CNTN3: variants seen among roughly 807,000 people sequenced by gnomAD.
The protein encoded by CNTN3 is contactin-3.
Under a neutral mutation model 119.1 loss-of-function variants are expected in CNTN3, and 60 were observed. The observed-to-expected ratio is 0.50, with a 90% confidence interval of 0.41 to 0.62. CNTN3 has a LOEUF of 0.62. Among genes scored for constraint, CNTN3 ranks in the 20% least tolerant of loss-of-function variants. The pLI, the probability that CNTN3 is intolerant of heterozygous loss-of-function variation, is 0.00. For synonymous variants in CNTN3, 450 were observed against 438.7 expected (o/e 1.03, Z -0.32); for missense variants, 1,101 against 1,242.4 (o/e 0.89, Z 1.71).
intron 4 of CNTN3, among the ~76,000 whole-genome samples, chr3:74,469,653 C>A (rs1249578886): frequency 6.6e-6 from 1 of 152,082 alleles, no homozygotes; most frequent in Non-Finnish European, 1.5e-5. Context: ...AATACGATAC[C>A]CCTTCGTACC....
At chr3:74,353,486 G>A (rs1453396164) in intron 11 of CNTN3, among the ~76,000 whole-genome samples, 3 of 152,214 alleles carry the variant, frequency 2.0e-5, no homozygotes, top group Non-Finnish European at 2.9e-5. Flanking sequence ...GCCGGGTGCC[G>A]TGGCTCACGC....
chr3:74,344,615 G>A (rs1319387889), intron 11 of CNTN3, among the ~76,000 whole-genome samples: 5 of 151,168 alleles, frequency 3.3e-5, no homozygotes, highest in Admixed American at 2.6e-4. Flanking sequence ...CCGACACCAC[G>A]CCCAGCTAAT....
At chr3:74,436,683 C>T (rs1280234598) in intron 4 of CNTN3, among the ~76,000 whole-genome samples, 1 of 152,054 alleles carries the variant, frequency 6.6e-6, no homozygotes, top group Non-Finnish European at 1.5e-5. Flanking sequence ...AGGAGAGTCA[C>T]CCTTCCTCTC....
chr3:74,342,428 G>A (rs1222435904), intron 11 of CNTN3, among the ~76,000 whole-genome samples: 1 of 152,140 alleles, frequency 6.6e-6, no homozygotes, highest in East Asian at 1.9e-4. Flanking sequence ...TCCAAGGAAA[G>A]GAAAAGCAGA....
chr3:74,503,565 G>C (rs1388814551), intron 2 of CNTN3, among the ~76,000 whole-genome samples: 1 of 152,100 alleles, frequency 6.6e-6, no homozygotes, highest in Non-Finnish European at 1.5e-5. Flanking sequence ...TTAAAAGGAA[G>C]AGATTCTGAA....
At chr3:74,299,804 G>A in intron 17 of CNTN3, 64 bp downstream of exon 17, 1 of 1,360,122 alleles carries the variant, frequency 7.4e-7, no homozygotes, top group Non-Finnish European at 1.0e-6. Flanking sequence ...CCACCACCTG[G>A]GAAGCCATAA....
At chr3:74,446,482 G>T (rs146215667) in intron 4 of CNTN3, among the ~76,000 whole-genome samples, 1 of 152,056 alleles carries the variant, frequency 6.6e-6, no homozygotes, top group Non-Finnish European at 1.5e-5. Context: ...GTGCTGTCCA[G>T]TAAAGCAGCC....
intron 2 of CNTN3, among the ~76,000 whole-genome samples, chr3:74,507,720 C>G (rs933412507): frequency 2.0e-5 from 3 of 149,080 alleles, no homozygotes; most frequent in African/African-American, 7.5e-5. Context: ...CAACCTCTGC[C>G]TCCCGGCTTC....
intron 13 of CNTN3, among the ~76,000 whole-genome samples, chr3:74,320,835 C>T (rs1395849394): frequency 6.6e-6 from 1 of 152,066 alleles, no homozygotes; most frequent in Non-Finnish European, 1.5e-5. Context: ...ATGCCAGCCT[C>T]CTCTGATAAT....
chr3:74,558,540 C>T (rs1201659806), intron 1 of CNTN3, among the ~76,000 whole-genome samples: 3 of 152,146 alleles, frequency 2.0e-5, no homozygotes, highest in Non-Finnish European at 4.4e-5. Context: ...AAATGGGAAA[C>T]AGAACAGCAT....
intron 2 of CNTN3, among the ~76,000 whole-genome samples, chr3:74,520,751 A>T (rs2107121262): frequency 6.6e-6 from 1 of 151,288 alleles, no homozygotes; most frequent in African/African-American, 2.4e-5. Context: ...TTTGGAAAAA[A>T]AATGTCACAA....
chr3:74,319,933 G>A (rs1241415392), intron 13 of CNTN3, among the ~76,000 whole-genome samples: 1 of 152,124 alleles, frequency 6.6e-6, no homozygotes, highest in Non-Finnish European at 1.5e-5. Flanking sequence ...ACCATCACTG[G>A]CCATCGGAGA....
At chr3:74,450,244 CA>C (rs1702124129) in intron 4 of CNTN3, among the ~76,000 whole-genome samples, 1 of 151,848 alleles carries the variant, frequency 6.6e-6, no homozygotes, top group African/African-American at 2.4e-5. Context: ...CGAAACAAAA[CA>C]AATTTTTTTA....
chr3:74,533,750 G>A (rs1461815466), intron 1 of CNTN3, among the ~76,000 whole-genome samples: 1 of 151,980 alleles, frequency 6.6e-6, no homozygotes, highest in African/African-American at 2.4e-5. Context: ...AGCCTAGAGA[G>A]GCATAAATGC....
At chr3:74,331,750 C>T (rs1703269510) in intron 13 of CNTN3, among the ~76,000 whole-genome samples, 2 of 152,156 alleles carry the variant, frequency 1.3e-5, no homozygotes, top group South Asian at 4.1e-4. Context: ...GGACTGAAAC[C>T]TACTCCTCCT....
At chr3:74,487,814 C>T (rs999538041) in intron 3 of CNTN3, among the ~76,000 whole-genome samples, 1 of 151,790 alleles carries the variant, frequency 6.6e-6, no homozygotes, top group African/African-American at 2.4e-5. Context: ...TGAAAATGGG[C>T]CACTTTTATA....
intron 13 of CNTN3, among the ~76,000 whole-genome samples, chr3:74,308,559 G>T (rs1702611120): frequency 6.6e-6 from 1 of 152,030 alleles, no homozygotes; most frequent in Non-Finnish European, 1.5e-5. Flanking sequence ...GTGCCACGGT[G>T]CCTCAAAGGT....
At chr3:74,413,257 A>C (rs897801163) in intron 5 of CNTN3, among the ~76,000 whole-genome samples, 1 of 152,210 alleles carries the variant, frequency 6.6e-6, no homozygotes, top group Non-Finnish European at 1.5e-5. Context: ...CACTGCTTAG[A>C]GGGTACATGG....
chr3:74,550,691 A>T (rs979511317), intron 1 of CNTN3, among the ~76,000 whole-genome samples: 1 of 152,162 alleles, frequency 6.6e-6, no homozygotes, highest in Non-Finnish European at 1.5e-5. Context: ...GGCATGTGCC[A>T]CCATACCCAG....
Sources: allele counts gnomAD v4.1 joint callset (sites outside exome capture counted in the v4.1 genomes callset), GRCh38; gene constraint gnomAD v4.1.1; transcripts MANE v1.5; gene names NCBI Gene and HGNC (gene_info 2026-07-23, HGNC 2026-07-21).